HHIP: variants seen among roughly 807,000 people sequenced by gnomAD.
The protein encoded by HHIP is hedgehog interacting protein.
A neutral mutation model predicts 74.0 loss-of-function variants in HHIP; 12 were observed. The observed-to-expected ratio is 0.16, with a 90% CI of 0.10 to 0.26. The LOEUF is 0.26. Ranked by LOEUF, HHIP falls within the 10% of genes least tolerant of loss-of-function variation. The pLI is 1.00. For missense variants in HHIP, 788 were observed against 845.0 expected (o/e 0.93, Z 0.84); for synonymous variants, 309 against 311.6 (o/e 0.99, Z 0.09).
intron 4 of HHIP, among the ~76,000 whole-genome samples, chr4:144,701,364 G>A (rs1283315616): frequency 6.7e-6 from 1 of 149,630 alleles, no homozygotes; most frequent in Non-Finnish European, 1.5e-5. Context: ...AGAAAGCTCA[G>A]GTGCCAATAT....
In HHIP at chr4:144,655,188, G is replaced by T. The variant is rs140960559; in HGVS notation, c.472+2391G>T. ...GCTTATTTTCCCAAAAATGGGAAAA[G>T]ATATTACAAAGCAATATAGTGAGTA... On this transcript the variant is annotated intron_variant, in intron 2 of 12. Transcript: ENST00000296575. 1.3e-3 allele frequency among the ~76,000 whole-genome samples: 201 copies of T among 152,262 alleles called. 1 individual carries two copies. The highest frequency in any genetic ancestry group is 4.5e-3 in the African/African-American group (189 of 41,560).
At chr4:144,693,902 A>G (rs1288824687) in intron 4 of HHIP, among the ~76,000 whole-genome samples, 1 of 151,870 alleles carries the variant, frequency 6.6e-6, no homozygotes, top group Admixed American at 6.6e-5. Context: ...TATCAAAAAG[A>G]TTTTCTTAAT....
chr4:144,647,178 T>A, intron 1 of HHIP: 1 of 485,220 alleles, frequency 2.1e-6, no homozygotes. Context: ...TGTGCAAACT[T>A]GCCTATCTCT....
At chr4:144,683,301 TAA>T (rs771952030) in intron 4 of HHIP, among the ~76,000 whole-genome samples, 25 of 152,198 alleles carry the variant, frequency 1.6e-4, no homozygotes, top group Non-Finnish European at 2.5e-4. Flanking sequence ...GCTATTCACT[TAA>T]GTCTTAATTT....
In HHIP at chr4:144,742,984, C is replaced by T. The variant is rs75617120; in HGVS notation, c.*5027C>T. 2.1e-3 allele frequency: 3 copies of T among 1,428 alleles called. No individual in the cohort carries two copies. The highest frequency in any genetic ancestry group is 4.0e-3 in the African/African-American group (3 of 742). 0.1% of individuals were successfully genotyped at this position (1,428 alleles called of 1,614,324 possible). A position where few individuals can be genotyped will look rare whatever the true frequency, so the allele number is the denominator to read the frequency against. Reference sequence around the variant, plus strand: ...TATAAGATATATGTATATATATATACATTATATATATATAATATATATATA... The same window carrying T: ...TATAAGATATATGTATATATATATATATTATATATATATAATATATATATA... On this transcript the variant is annotated 3_prime_UTR_variant, in exon 13 of 13. Coordinates refer to ENST00000296575, the MANE Select transcript of HHIP (RefSeq NM_022475.3).
intron 4 of HHIP, among the ~76,000 whole-genome samples, chr4:144,668,059 T>C (rs565409892): frequency 6.6e-6 from 1 of 152,090 alleles, no homozygotes; most frequent in Admixed American, 6.5e-5. Context: ...GGCTCACACC[T>C]GTAATCCCAG....
At chr4:144,671,844 T>A (rs1444290876) in intron 4 of HHIP, among the ~76,000 whole-genome samples, 1 of 151,844 alleles carries the variant, frequency 6.6e-6, no homozygotes, top group East Asian at 1.9e-4. Flanking sequence ...ATTAGCTGAG[T>A]GTGGTGATGG....
chr4:144,647,982 G>A (rs1380053111), intron 1 of HHIP, among the ~76,000 whole-genome samples: 1 of 130,388 alleles, frequency 7.7e-6, no homozygotes, highest in Non-Finnish European at 1.7e-5. Flanking sequence ...GCTGGCCCAG[G>A]CATAATAAAA....
intron 4 of HHIP, among the ~76,000 whole-genome samples, chr4:144,684,379 C>T (rs1314774159): frequency 1.3e-5 from 2 of 149,776 alleles, no homozygotes; most frequent in East Asian, 2.0e-4. Context: ...CTGCCTCAGC[C>T]TCCAGAGTAG....
chr4:144,678,547 C>A (rs1331106014), intron 4 of HHIP, among the ~76,000 whole-genome samples: 2 of 152,086 alleles, frequency 1.3e-5, no homozygotes, highest in African/African-American at 4.8e-5. Flanking sequence ...CCCTAGCCCC[C>A]CATCCCCCTG....
At position 144,646,902 on chromosome 4, in the gene HHIP, T is replaced by C. The variant is rs1728279818; in HGVS notation, c.227T>C (p.Leu76Pro). 6.2e-7 allele frequency: 1 copy of C among 1,613,868 alleles called. No homozygotes were observed. The highest frequency in any genetic ancestry group is 8.5e-7 in the Non-Finnish European group (1 of 1,179,792). The change falls in exon 1 of 13, where the codon CTG becomes CCG. Residue 76 changes from leucine to proline, a missense_variant. Transcript: ENST00000296575. ...CTGTGCGGTGGCTTCTACCCTCGGC[T>C]GTCCTGCTGCCTGCGGAGTGACAGC... ...EMLCGGFYPR[L>P]SCCLRSDSPG...
chr4:144,733,795 G>A (rs550653318), intron 11 of HHIP, among the ~76,000 whole-genome samples: 22 of 152,254 alleles, frequency 1.4e-4, no homozygotes, highest in African/African-American at 5.1e-4. Context: ...TTTCCCTGAA[G>A]ATTAGGTAAT....
At chr4:144,720,617 C>T (rs1356552830) in intron 11 of HHIP, among the ~76,000 whole-genome samples, 1 of 151,972 alleles carries the variant, frequency 6.6e-6, no homozygotes, top group Non-Finnish European at 1.5e-5. Flanking sequence ...GAGTGACATA[C>T]CTGAAGGCCT....
chr4:144,678,171 G>A (rs1054404244), intron 4 of HHIP, among the ~76,000 whole-genome samples: 5 of 152,238 alleles, frequency 3.3e-5, no homozygotes, highest in African/African-American at 7.2e-5. Flanking sequence ...GGGAATCACT[G>A]TAATTTGCAT....
intron 6 of HHIP, among the ~76,000 whole-genome samples, chr4:144,707,646 CA>C (rs6148709): frequency 0.023 from 1,332 of 57,204 alleles, 178 homozygotes; most frequent in Middle Eastern, 0.12. Flanking sequence ...AGAACAGAGG[CA>C]AAAAAAAAAA....
chr4:144,677,414 T>C (rs1464377034), intron 4 of HHIP, among the ~76,000 whole-genome samples: 1 of 152,140 alleles, frequency 6.6e-6, no homozygotes, highest in Non-Finnish European at 1.5e-5. Flanking sequence ...CCTACCAGCT[T>C]AGCAAATCCA....
At chr4:144,722,997 T>C (rs1450592842) in intron 11 of HHIP, among the ~76,000 whole-genome samples, 1 of 152,228 alleles carries the variant, frequency 6.6e-6, no homozygotes, top group African/African-American at 2.4e-5. Context: ...CAAGATTTAT[T>C]TTTATAGAAC....
intron 4 of HHIP, among the ~76,000 whole-genome samples, chr4:144,704,314 T>C (rs569591287): frequency 6.6e-6 from 1 of 152,340 alleles, no homozygotes; most frequent in South Asian, 2.1e-4. Flanking sequence ...TCCTATTACC[T>C]GAAAATGTCA....
At chr4:144,672,998 C>T (rs185323987) in intron 4 of HHIP, among the ~76,000 whole-genome samples, 6 of 152,250 alleles carry the variant, frequency 3.9e-5, no homozygotes, top group African/African-American at 7.2e-5. Flanking sequence ...GGCCTGGCTC[C>T]GGCCCAAACT....
Sources: gnomAD v4.1 joint callset for allele counts (sites outside exome capture counted in the v4.1 genomes callset) on GRCh38, gnomAD v4.1.1 for gene constraint, MANE v1.5 for transcripts, NCBI Gene and HGNC (gene_info 2026-07-23, HGNC 2026-07-21) for gene names.